SWAP70: variants seen among roughly 807,000 people sequenced by gnomAD.
SWAP70 encodes switching B cell complex subunit SWAP70.
Under a neutral mutation model 80.2 loss-of-function variants are expected in SWAP70, and 34 were observed. That is an observed-to-expected ratio of 0.42 (90% confidence interval 0.32 to 0.56). The LOEUF is 0.56. Ranked by LOEUF, SWAP70 falls within the 20% of genes least tolerant of loss-of-function variation. The pLI is 0.09. For synonymous variants in SWAP70, 239 were observed against 238.5 expected, an observed-to-expected ratio of 1.00 and a Z score of -0.02; for missense variants, 578 against 690.7, an observed-to-expected ratio of 0.84 and a Z score of 1.83.
rs890290101 is a variant in SWAP70, at chr11:9,752,444, A to T, written c.*2474A>T. The T allele has an allele frequency of 5.3e-5, 8 of 152,312 alleles. No homozygotes were observed. The highest frequency in any genetic ancestry group is 3.4e-3 in the Middle Eastern group (1 of 294). The allele number at this position is 152,312 out of a possible 1,614,324, so 9.4% of individuals were successfully genotyped here. A position where few individuals can be genotyped will look rare whatever the true frequency, so the allele number is the denominator to read the frequency against. ...TTCTGTTTAATGCATAGTGTTACCG[A>T]TTTACATCTTGGTTTTCAGTGGCAC... is the stretch of plus-strand genomic sequence containing the variant. On this transcript the variant is annotated 3_prime_UTR_variant, in exon 12 of 12. Coordinates refer to ENST00000318950, the MANE Select transcript of SWAP70 (RefSeq NM_015055.4).
intron 1 of SWAP70, among the ~76,000 whole-genome samples, chr11:9,673,994 G>A (rs1030573707): frequency 6.6e-6 from 1 of 152,144 alleles, no homozygotes; most frequent in Non-Finnish European, 1.5e-5. Flanking sequence ...CTGCCTCCTG[G>A]GTTCAAGCGA....
chr11:9,725,567 ATATTTTTT>A (rs1211241227), intron 4 of SWAP70, among the ~76,000 whole-genome samples: 67 of 17,288 alleles, frequency 3.9e-3, no homozygotes, highest in African/African-American at 0.017. Flanking sequence ...ATATATATAT[ATATTTTTT>A]TTTTTTTTTT....
At chr11:9,732,429 T>A (rs1851309680) in intron 6 of SWAP70, 100 bp from the exon 7 acceptor site, 5 of 1,207,014 alleles carry the variant, frequency 4.1e-6, no homozygotes, top group Non-Finnish European at 5.9e-6. Context: ...GCCTTCTGGC[T>A]CCCTGTCTCA....
rs1387525286 is a variant in SWAP70, at chr11:9,732,557, G to A, written c.927G>A (p.Lys309=). 1 of 1,606,752 alleles carries A rather than the reference G, an allele frequency of 6.2e-7. No homozygotes were observed. Among genetic ancestry groups the A allele is most frequent in the East Asian group, 2.2e-5 (1 of 44,594 alleles). ...TTCATTCTACTATTCATCTGTTGAA[G>A]CTGGGCAGCCCTCCACCACACAAAG... ...QAIHSTIHLL[K]LGSPPPHKEA... The change falls in exon 7 of 12, where the codon AAG becomes AAA. Residue 309 remains lysine (K), a synonymous_variant. Transcript: ENST00000318950.
At chr11:9,670,164 C>T (rs1184859196) in intron 1 of SWAP70, among the ~76,000 whole-genome samples, 1 of 151,886 alleles carries the variant, frequency 6.6e-6, no homozygotes, top group Non-Finnish European at 1.5e-5. Flanking sequence ...ATTGCAATAG[C>T]CCCGATAAGA....
In SWAP70 at chr11:9,698,093, G is replaced by GTTTT. The variant is rs201181416; in HGVS notation, c.240+3810_240+3813dup. Among the ~76,000 whole-genome samples the GTTTT allele has an allele frequency of 1.2e-3, 136 of 109,576 alleles. 15 individuals carry two copies. The highest frequency in any genetic ancestry group is 6.8e-3 in the Middle Eastern group (1 of 146). 71.9% of individuals were successfully genotyped at this position (109,576 alleles called of 152,430 possible). On this transcript the variant is annotated intron_variant, in intron 2 of 11. Coordinates refer to ENST00000318950, the MANE Select transcript of SWAP70 (RefSeq NM_015055.4). ...GAGCCACCATGCCTGGCCAATACAT[G>GTTTT]TTTTTTGTTTTTTTTTTTTTTTTTT...
At position 9,732,608 on chromosome 11, in the gene SWAP70, C is replaced by G; in HGVS notation, c.978C>G (p.Leu326=). ...AAGCCCGCCAGCGTCGGAAAGAACT[C>G]CGGAAGAAGCAGCTGGCTGAACAAG... is the stretch of plus-strand genomic sequence containing the variant. ...HKEARQRRKE[L]RKKQLAEQEE... is the part of the protein sequence containing the mutation. The change falls in exon 7 of 12, where the codon CTC becomes CTG. Residue 326 remains leucine, a synonymous_variant. Coordinates refer to ENST00000318950, the MANE Select transcript of SWAP70 (RefSeq NM_015055.4). 1 of 1,598,964 alleles carries G rather than the reference C, an allele frequency of 6.3e-7. No homozygotes were observed. Among genetic ancestry groups the G allele is most frequent in the Non-Finnish European group, 8.5e-7 (1 of 1,171,350 alleles).
At chr11:9,713,874 T>C (rs1851031536) in intron 3 of SWAP70, among the ~76,000 whole-genome samples, 1 of 152,228 alleles carries the variant, frequency 6.6e-6, no homozygotes, top group African/African-American at 2.4e-5. Flanking sequence ...ATGGCTATGA[T>C]GATAAGTGAA....
chr11:9,673,890 ATTTG>A (rs111750602), intron 1 of SWAP70, among the ~76,000 whole-genome samples: 233 of 151,808 alleles, frequency 1.5e-3, no homozygotes, highest in African/African-American at 3.1e-3. Context: ...TCATTGATTT[ATTTG>A]TTTGTTTGTT....
intron 1 of SWAP70, among the ~76,000 whole-genome samples, chr11:9,693,830 C>T (rs76745340): frequency 6.6e-6 from 1 of 151,984 alleles, no homozygotes; most frequent in Admixed American, 6.6e-5. Context: ...CTTCCCCCCC[C>T]ACCCCACTTT....
chr11:9,738,734 G>A (rs573511666), intron 8 of SWAP70, among the ~76,000 whole-genome samples: 3 of 150,204 alleles, frequency 2.0e-5, no homozygotes, highest in Admixed American at 6.6e-5. Flanking sequence ...GTTGGTACAT[G>A]CCTGTAGTTC....
chr11:9,669,570 C>T (rs1201562938), intron 1 of SWAP70, among the ~76,000 whole-genome samples: 2 of 152,096 alleles, frequency 1.3e-5, no homozygotes, highest in Non-Finnish European at 2.9e-5. Flanking sequence ...TTGCTGTTAT[C>T]CCTAGGGAAC....
In SWAP70 at chr11:9,664,137, C is replaced by G; in HGVS notation, c.-43C>G. Reference sequence around the variant, plus strand: ...GAGGGGCGTCCGAGGCGCGGAGGGGCTGGCTGGGCAGGAGGGGTTGGCGGG... The same window carrying G: ...GAGGGGCGTCCGAGGCGCGGAGGGGGTGGCTGGGCAGGAGGGGTTGGCGGG... On this transcript the variant is annotated 5_prime_UTR_variant, in exon 1 of 12. Coordinates refer to ENST00000318950, the MANE Select transcript of SWAP70 (RefSeq NM_015055.4). 2 of 1,522,436 alleles carry G rather than the reference C, an allele frequency of 1.3e-6. No individual in the cohort carries two copies. Among genetic ancestry groups the G allele is most frequent in the East Asian group, 2.7e-5 (1 of 36,964 alleles). 94.3% of individuals were successfully genotyped at this position (1,522,436 alleles called of 1,614,324 possible). A position where few individuals can be genotyped will look rare whatever the true frequency, so the allele number is the denominator to read the frequency against.
intron 2 of SWAP70, among the ~76,000 whole-genome samples, chr11:9,702,922 A>G (rs2572942): frequency 0.35 from 52,603 of 152,010 alleles, 9,432 homozygotes; most frequent in Non-Finnish European, 0.38. Flanking sequence ...TTTTAAAGTA[A>G]CAGTTTTATT....
chr11:9,672,813 C>G (rs892295073), intron 1 of SWAP70, among the ~76,000 whole-genome samples: 3 of 151,978 alleles, frequency 2.0e-5, no homozygotes, highest in Admixed American at 6.6e-5. Context: ...TAATTTTTAA[C>G]AAATAGCATA....
At chr11:9,679,956 A>T (rs928759639) in intron 1 of SWAP70, among the ~76,000 whole-genome samples, 1 of 152,234 alleles carries the variant, frequency 6.6e-6, no homozygotes, top group African/African-American at 2.4e-5. Flanking sequence ...GGCATGAGCC[A>T]CTGCACGCGG....
At chr11:9,747,678 A>G (rs1279299035) in intron 9 of SWAP70, among the ~76,000 whole-genome samples, 180 bp from the exon 10 acceptor site, 1 of 152,256 alleles carries the variant, frequency 6.6e-6, no homozygotes, top group Non-Finnish European at 1.5e-5. Flanking sequence ...AGCAGGACAT[A>G]TAGGCTGCTT....
intron 3 of SWAP70, among the ~76,000 whole-genome samples, chr11:9,723,786 T>A (rs2133804227): frequency 6.6e-6 from 1 of 150,782 alleles, no homozygotes; most frequent in Non-Finnish European, 1.5e-5. Context: ...TTTTTTTTTT[T>A]TTTTTGAAAC....
At chr11:9,740,443 GTC>G (rs1851421559) in intron 9 of SWAP70, 96 bp downstream of exon 9, 2 of 1,286,638 alleles carry the variant, frequency 1.6e-6, no homozygotes, top group Non-Finnish European at 2.3e-6. Flanking sequence ...AGGGAGAAGT[GTC>G]TCTGCTCTGG....
Sources: gnomAD v4.1 joint callset for allele counts (sites outside exome capture counted in the v4.1 genomes callset) on GRCh38, gnomAD v4.1.1 for gene constraint, MANE v1.5 for transcripts, NCBI Gene and HGNC (gene_info 2026-07-23, HGNC 2026-07-21) for gene names.